ROBO2: variants seen among roughly 807,000 people sequenced by gnomAD.
ROBO2 encodes the protein roundabout guidance receptor 2, also known as roundabout homolog 2.
Under a neutral mutation model 160.8 loss-of-function variants are expected in ROBO2, and 53 were observed. The ratio of observed to expected loss-of-function variants is 0.33; its 90% confidence interval spans 0.26 to 0.41. ROBO2 has a LOEUF of 0.41. Among genes scored for constraint, ROBO2 ranks in the 10% least tolerant of loss-of-function variants. The probability of loss-of-function intolerance (pLI) is 1.00; values close to 1 mark genes in which losing one functional copy is unlikely to be tolerated. For synonymous variants in ROBO2, 664 were observed against 611.7 expected (o/e 1.09, Z -1.26); for missense variants, 1,577 against 1,722.4 (o/e 0.92, Z 1.49).
intron 2 of ROBO2, among the ~76,000 whole-genome samples, chr3:77,378,549 G>T (rs936459521): frequency 2.6e-5 from 4 of 152,156 alleles, no homozygotes; most frequent in African/African-American, 9.7e-5. Context: ...GAAGCTCAAA[G>T]TCATGTACCT....
At chr3:76,902,540 A>G (rs2075311622) in intron 2 of ROBO2, among the ~76,000 whole-genome samples, 1 of 152,086 alleles carries the variant, frequency 6.6e-6, no homozygotes, top group South Asian at 2.1e-4. Context: ...ATCTCAAAAC[A>G]TACTTTGCTT....
intron 2 of ROBO2, among the ~76,000 whole-genome samples, chr3:77,403,944 C>T (rs1242239344): frequency 6.6e-6 from 1 of 151,758 alleles, no homozygotes; most frequent in Non-Finnish European, 1.5e-5. Flanking sequence ...CAAATTGGCA[C>T]TAGGCTCGAA....
chr3:75,992,484 AT>A (rs2065602329), intron 2 of ROBO2, among the ~76,000 whole-genome samples: 1 of 152,120 alleles, frequency 6.6e-6, no homozygotes, highest in Non-Finnish European at 1.5e-5. Context: ...CTCCTTCTAG[AT>A]TTCAGAGGAT....
chr3:76,828,478 A>G (rs2066776181), intron 2 of ROBO2, among the ~76,000 whole-genome samples: 1 of 152,174 alleles, frequency 6.6e-6, no homozygotes, highest in African/African-American at 2.4e-5. Context: ...CTCATTGTAC[A>G]GTATGGAAAG....
chr3:76,213,246 T>A (rs986780549), intron 2 of ROBO2, among the ~76,000 whole-genome samples: 2 of 151,920 alleles, frequency 1.3e-5, no homozygotes, highest in Non-Finnish European at 2.9e-5. Context: ...AGACAAATTA[T>A]CATAGTAAAC....
chr3:77,562,526 G>A (rs2093354570), intron 9 of ROBO2, 125 bp from the exon 11 acceptor site: 1 of 668,418 alleles, frequency 1.5e-6, no homozygotes, highest in African/African-American at 1.8e-5. Context: ...TGACTCTAAT[G>A]CATAATTTAG....
intron 2 of ROBO2, among the ~76,000 whole-genome samples, chr3:76,569,535 A>G (rs2084829803): frequency 1.3e-5 from 2 of 152,176 alleles, no homozygotes; most frequent in African/African-American, 2.4e-5. Flanking sequence ...TTATGCACAT[A>G]TACTAGTTTT....
intron 4 of ROBO2, among the ~76,000 whole-genome samples, chr3:77,487,936 A>G (rs1290725368): frequency 6.6e-6 from 1 of 152,180 alleles, no homozygotes; most frequent in East Asian, 1.9e-4. Flanking sequence ...AATACAGTTA[A>G]AAAGAGAAAT....
At chr3:76,374,941 CTTT>C (rs77109557) in intron 2 of ROBO2, among the ~76,000 whole-genome samples, 1 of 138,360 alleles carries the variant, frequency 7.2e-6, no homozygotes. Flanking sequence ...CTTTCTTCTT[CTTT>C]TTTTTTTTTT....
intron 2 of ROBO2, among the ~76,000 whole-genome samples, chr3:77,010,505 C>A (rs1236770067): frequency 6.6e-6 from 1 of 152,164 alleles, no homozygotes; most frequent in African/African-American, 2.4e-5. Flanking sequence ...CAGGCTAGAT[C>A]TTCCATTCCA....
intron 2 of ROBO2, among the ~76,000 whole-genome samples, chr3:76,429,298 T>C (rs1198613174): frequency 6.6e-6 from 1 of 152,054 alleles, no homozygotes; most frequent in Admixed American, 6.6e-5. Context: ...GGAGTACTTA[T>C]TCTTATGTGG....
intron 2 of ROBO2, among the ~76,000 whole-genome samples, chr3:75,950,493 A>G (rs1948492652): frequency 6.6e-6 from 1 of 152,140 alleles, no homozygotes; most frequent in Non-Finnish European, 1.5e-5. Context: ...GCAGGCGAAG[A>G]GTATGTTGCC....
chr3:76,578,576 G>A (rs1326835519), intron 2 of ROBO2, among the ~76,000 whole-genome samples: 1 of 151,972 alleles, frequency 6.6e-6, no homozygotes, highest in Non-Finnish European at 1.5e-5. Context: ...CACATAGTTG[G>A]TGTTCTGTCT....
chr3:76,074,669 T>A (rs1327154060), intron 2 of ROBO2, among the ~76,000 whole-genome samples: 1 of 152,188 alleles, frequency 6.6e-6, no homozygotes, highest in African/African-American at 2.4e-5. Context: ...TACTTGCCAT[T>A]AATCTGGAGG....
rs567498418 is a variant in ROBO2 at position 77,446,799 on chromosome 3, C to T, written c.389-30615C>T. Among the ~76,000 whole-genome samples the T allele has an allele frequency of 2.0e-5, 3 of 151,970 alleles. No homozygotes were observed. The South Asian group carries it at 6.2e-4, about 32-fold the overall frequency. Reference sequence around the variant, plus strand: ...TAGTGAAATATAGTGGTGGAAAGAACAGAAAAAAAATCCTTTGGGTGCTCA... The same window carrying T: ...TAGTGAAATATAGTGGTGGAAAGAATAGAAAAAAAATCCTTTGGGTGCTCA... On this transcript the variant is annotated intron_variant, in intron 2 of 25. Coordinates refer to ENST00000461745, the Ensembl canonical transcript of ROBO2.
At chr3:76,122,121 CAACTT>C (rs991854836) in intron 2 of ROBO2, among the ~76,000 whole-genome samples, 6 of 152,320 alleles carry the variant, frequency 3.9e-5, no homozygotes, top group Admixed American at 6.5e-5. Context: ...TTTTGTAACT[CAACTT>C]CCTCATTTTA....
chr3:76,398,420 A>C (rs974136108), intron 2 of ROBO2, among the ~76,000 whole-genome samples: 2 of 152,000 alleles, frequency 1.3e-5, no homozygotes, highest in Non-Finnish European at 2.9e-5. Flanking sequence ...GCACATGTAT[A>C]CATATGTAAC....
At chr3:77,376,340 T>A (rs1254121009) in intron 2 of ROBO2, among the ~76,000 whole-genome samples, 1 of 151,838 alleles carries the variant, frequency 6.6e-6, no homozygotes, top group Non-Finnish European at 1.5e-5. Context: ...GTATTTTTAG[T>A]AGAGACAGGG....
upstream of ROBO2, among the ~76,000 whole-genome samples, chr3:77,034,888 T>C (rs769898310): frequency 1.1e-4 from 17 of 151,918 alleles, no homozygotes; most frequent in Non-Finnish European, 1.9e-4. Context: ...TTTTCTTGGG[T>C]TCATGAAAGT....
Sources: gnomAD v4.1 joint callset for allele counts (sites outside exome capture counted in the v4.1 genomes callset) on GRCh38, gnomAD v4.1.1 for gene constraint, MANE v1.5 for transcripts, NCBI Gene and HGNC (gene_info 2026-07-23, HGNC 2026-07-21) for gene names.